The following TMCO5A variants were observed in gnomAD, a reference collection of about 807,000 sequenced individuals.
TMCO5A encodes the protein transmembrane and coiled-coil domains 5A, also known as transmembrane and coiled-coil domain-containing protein 5A.
Under a neutral mutation model 42.3 loss-of-function variants are expected in TMCO5A, and 34 were observed. That is an observed-to-expected ratio of 0.80 (90% CI 0.61 to 1.07). The LOEUF (loss-of-function observed/expected upper bound fraction) is 1.07, where lower values mean the gene tolerates loss of function less well. Ranked by LOEUF, TMCO5A falls within the 50% of genes least tolerant of loss-of-function variation. The pLI is 0.00. For synonymous variants in TMCO5A, 131 were observed against 115.6 expected (o/e 1.13, Z -0.86); for missense variants, 357 against 327.9 (o/e 1.09, Z -0.69).
At chr15:38,013,395 T>C in the TMCO5A span, among the ~76,000 whole-genome samples, 3 of 152,098 alleles carry the variant, frequency 2.0e-5, no homozygotes, top group African/African-American at 4.8e-5. Flanking sequence ...ACTAAAAAAC[T>C]TGACATGGTG....
chr15:38,010,370 G>A, the TMCO5A span, among the ~76,000 whole-genome samples: 12 of 119,564 alleles, frequency 1.0e-4, no homozygotes, highest in East Asian at 4.9e-4. Flanking sequence ...GCGACAGAGC[G>A]AGACTCCGTC....
the TMCO5A span, among the ~76,000 whole-genome samples, chr15:38,010,728 A>T: frequency 6.6e-6 from 1 of 152,066 alleles, no homozygotes; most frequent in Non-Finnish European, 1.5e-5. Flanking sequence ...CGGTGTAACG[A>T]TACTCTTTAT....
At chr15:37,939,607 C>T (rs1001719536) in intron 6 of TMCO5A, among the ~76,000 whole-genome samples, 1 of 152,074 alleles carries the variant, frequency 6.6e-6, no homozygotes, top group African/African-American at 2.4e-5. Context: ...GAATAATGGC[C>T]ATTATTTTGC....
At chr15:38,029,272 C>A in the TMCO5A span, among the ~76,000 whole-genome samples, 1 of 151,842 alleles carries the variant, frequency 6.6e-6, no homozygotes, top group East Asian at 1.9e-4. Context: ...ATTAAGTATA[C>A]AGTCTACACA....
At chr15:37,952,480 G>A (rs1343218349), downstream of TMCO5A, among the ~76,000 whole-genome samples, 2 of 152,116 alleles carry the variant, frequency 1.3e-5, no homozygotes, top group South Asian at 2.1e-4. Context: ...CCAGAAGGGA[G>A]CCTGCTACTT....
At chr15:38,015,326 C>T in the TMCO5A span, among the ~76,000 whole-genome samples, 6 of 152,124 alleles carry the variant, frequency 3.9e-5, no homozygotes, top group South Asian at 2.1e-4. Context: ...CAATAAGATA[C>T]GAATACCCAC....
chr15:37,967,603 C>A (rs920848915), exon 12 of TMCO5A: 2 of 152,114 alleles, frequency 1.3e-5, no homozygotes, highest in Non-Finnish European at 2.9e-5. Flanking sequence ...AAAAATTCTA[C>A]CTATTAGCTT....
chr15:38,014,572 G>C, the TMCO5A span, among the ~76,000 whole-genome samples: 3 of 152,084 alleles, frequency 2.0e-5, no homozygotes, highest in Non-Finnish European at 4.4e-5. Context: ...TGTCTTCCAA[G>C]AGTTAGAGGG....
intron 11 of TMCO5A, among the ~76,000 whole-genome samples, chr15:37,964,007 G>C (rs1269629753): frequency 6.6e-6 from 1 of 152,088 alleles, no homozygotes; most frequent in African/African-American, 2.4e-5. Context: ...GTAAATCAGA[G>C]ATTTTTTTTC....
At chr15:38,040,450 A>G in the TMCO5A span, 3 of 152,226 alleles carry the variant, frequency 2.0e-5, no homozygotes, top group African/African-American at 4.8e-5. Context: ...TCTTAGGTAC[A>G]TTCCCTAGAG....
the TMCO5A span, among the ~76,000 whole-genome samples, chr15:37,987,508 G>A: frequency 6.6e-6 from 1 of 151,800 alleles, no homozygotes; most frequent in Non-Finnish European, 1.5e-5. Flanking sequence ...TTTATGTTTA[G>A]GCTTTTGATC....
chr15:37,936,566 G>A, intron 3 of TMCO5A, 103 bp downstream of exon 3: 3 of 1,413,338 alleles, frequency 2.1e-6, no homozygotes, highest in Non-Finnish European at 2.9e-6. Context: ...CTTCTACCTT[G>A]TGTGGCAAAA....
chr15:37,969,253 A>G (rs986815455), downstream of TMCO5A, among the ~76,000 whole-genome samples: 1 of 152,216 alleles, frequency 6.6e-6, no homozygotes, highest in Non-Finnish European at 1.5e-5. Flanking sequence ...GACTAAAAAC[A>G]TTTTCCATCC....
the TMCO5A span, among the ~76,000 whole-genome samples, chr15:37,978,311 G>A: frequency 1.3e-5 from 2 of 152,330 alleles, no homozygotes; most frequent in Admixed American, 1.3e-4. Context: ...AGAGGAACAA[G>A]GGCAAAACTG....
chr15:37,964,325 G>A (rs1890505400), intron 11 of TMCO5A, among the ~76,000 whole-genome samples: 1 of 152,180 alleles, frequency 6.6e-6, no homozygotes, highest in Non-Finnish European at 1.5e-5. Context: ...ACCAGGGGTT[G>A]TCTGCACAGA....
the TMCO5A span, among the ~76,000 whole-genome samples, chr15:37,989,310 G>A: frequency 6.6e-6 from 1 of 151,642 alleles, no homozygotes; most frequent in Non-Finnish European, 1.5e-5. Flanking sequence ...AAAAATTTCT[G>A]CTCTAATCTT....
At chr15:37,975,651 T>C in the TMCO5A span, among the ~76,000 whole-genome samples, 269 of 151,356 alleles carry the variant, frequency 1.8e-3, 19 homozygotes, top group African/African-American at 6.1e-3. Context: ...GGTGATTCTC[T>C]TGAAGACAGC....
Position 37,951,295 on chromosome 15 carries a change from G to C in TMCO5A, c.*61G>C. The C allele has an allele frequency of 6.6e-7, 1 of 1,518,750 alleles. No homozygotes were observed. Among genetic ancestry groups the C allele is most frequent in the Non-Finnish European group, 9.1e-7 (1 of 1,104,724 alleles). 94.1% of individuals were successfully genotyped at this position (1,518,750 alleles called of 1,614,324 possible). A position where few individuals can be genotyped will look rare whatever the true frequency, so the allele number is the denominator to read the frequency against. ...GTGGGATCCGAGCCTGTAGAAGGGA[G>C]GCATGAAACTTGTGGAGGAAAGAGA... On this transcript the variant is annotated 3_prime_UTR_variant, in exon 12 of 12. Transcript: ENST00000319669.
chr15:37,977,978 A>G, the TMCO5A span, among the ~76,000 whole-genome samples: 2 of 152,152 alleles, frequency 1.3e-5, no homozygotes, highest in African/African-American at 4.8e-5. Flanking sequence ...CTAGAGGTGT[A>G]AGGCACTCAG....
Sources: gnomAD v4.1 joint callset for allele counts (sites outside exome capture counted in the v4.1 genomes callset) on GRCh38, gnomAD v4.1.1 for gene constraint, MANE v1.5 for transcripts, NCBI Gene and HGNC (gene_info 2026-07-23, HGNC 2026-07-21) for gene names.